PDE3A: variants seen among roughly 807,000 people sequenced by gnomAD.
PDE3A encodes the protein phosphodiesterase 3A, also known as cGMP-inhibited 3',5'-cyclic phosphodiesterase 3A.
Under a neutral mutation model 98.3 loss-of-function variants are expected in PDE3A, and 43 were observed. The ratio of observed to expected loss-of-function variants is 0.44; its 90% CI spans 0.34 to 0.56. PDE3A has a LOEUF of 0.56. Among genes scored for constraint, PDE3A ranks in the 20% least tolerant of loss-of-function variants. The pLI, the probability that PDE3A is intolerant of heterozygous loss-of-function variation, is 0.01. For missense variants in PDE3A, 1,427 were observed against 1,440.7 expected, an observed-to-expected ratio of 0.99 and a Z score of 0.15; for synonymous variants, 663 against 567.9, an observed-to-expected ratio of 1.17 and a Z score of -2.38.
At chr12:20,632,569 T>C (rs934743988) in intron 6 of PDE3A, among the ~76,000 whole-genome samples, 33 of 152,344 alleles carry the variant, frequency 2.2e-4, no homozygotes, top group Middle Eastern at 6.8e-3. Flanking sequence ...AGCCAGTTTA[T>C]GGCCTGTGCC....
intron 1 of PDE3A, among the ~76,000 whole-genome samples, chr12:20,542,289 A>C (rs1264841280): frequency 6.6e-6 from 1 of 152,086 alleles, no homozygotes; most frequent in Admixed American, 6.6e-5. Context: ...AGACTTAAAA[A>C]TGAATTCAAT....
At chr12:20,482,982 T>C (rs1945657611) in intron 1 of PDE3A, among the ~76,000 whole-genome samples, 1 of 152,208 alleles carries the variant, frequency 6.6e-6, no homozygotes, top group African/African-American at 2.4e-5. Context: ...CTTGATTTTT[T>C]TAAAACATAA....
chr12:20,491,074 G>A (rs1478219248), intron 1 of PDE3A, among the ~76,000 whole-genome samples: 5 of 152,134 alleles, frequency 3.3e-5, no homozygotes, highest in African/African-American at 9.6e-5. Context: ...GAGTGAGCCT[G>A]ACTCAAAAAA....
intron 5 of PDE3A, among the ~76,000 whole-genome samples, chr12:20,626,853 C>A (rs1944274362): frequency 6.6e-6 from 1 of 152,124 alleles, no homozygotes; most frequent in Non-Finnish European, 1.5e-5. Context: ...AGAAGCAGAG[C>A]TTCTCTCTTA....
chr12:20,631,874 A>G (rs1276687589), intron 6 of PDE3A, among the ~76,000 whole-genome samples: 1 of 152,128 alleles, frequency 6.6e-6, no homozygotes, highest in East Asian at 1.9e-4. Context: ...ACCAGGTTTT[A>G]TTATTGCCTT....
At chr12:20,396,417 G>A (rs1352453484) in intron 1 of PDE3A, among the ~76,000 whole-genome samples, 2 of 152,022 alleles carry the variant, frequency 1.3e-5, no homozygotes, top group Non-Finnish European at 2.9e-5. Flanking sequence ...GGTGAGTAGA[G>A]GAAAAGTGCA....
At chr12:20,470,262 T>A (rs1184636472) in intron 1 of PDE3A, among the ~76,000 whole-genome samples, 1 of 151,582 alleles carries the variant, frequency 6.6e-6, no homozygotes, top group Non-Finnish European at 1.5e-5. Context: ...AAAACAGGAG[T>A]TTTTTAAGTG....
chr12:20,662,522 T>A (rs1400277638), intron 15 of PDE3A, among the ~76,000 whole-genome samples: 3 of 152,210 alleles, frequency 2.0e-5, no homozygotes, highest in African/African-American at 7.2e-5. Flanking sequence ...GCATGGGGCC[T>A]GTAGCGCCTT....
At chr12:20,568,064 T>A (rs914439940) in intron 2 of PDE3A, among the ~76,000 whole-genome samples, 1 of 151,972 alleles carries the variant, frequency 6.6e-6, no homozygotes, top group Non-Finnish European at 1.5e-5. Flanking sequence ...ACTGGTAATA[T>A]CTTCTTTAAA....
rs889026086 is a variant in PDE3A at position 20,552,268 on chromosome 12, T to C, written c.961-4392T>C. On this transcript the variant is annotated intron_variant, in intron 1 of 15. Coordinates refer to ENST00000359062, the MANE Select transcript of PDE3A (RefSeq NM_000921.5). This position sits in a 1 kb window ranked among gnomAD's most constrained non-coding sequence, Gnocchi z 5.1. ...TGTCAAGGGTGGCAAGAATAGCAAGTACGCCCCCGCTGAGGGCAACCGCTA... is the reference window on the plus strand; with the variant it reads ...TGTCAAGGGTGGCAAGAATAGCAAGCACGCCCCCGCTGAGGGCAACCGCTA... 4.2e-5 allele frequency: 67 copies of C among 1,613,532 alleles called. No individual in the cohort carries two copies. The highest frequency in any genetic ancestry group is 1.6e-4 in the Middle Eastern group (1 of 6,084).
rs1426595187 is a variant in PDE3A, at chr12:20,622,319, A to AAT, written c.1540+910_1540+911dup. ...GATCCTTCACTTCTTACTCCATGCC[A>AAT]ATAGTCAGTAAATCATGCTATGAAG... On this transcript the variant is annotated intron_variant, in intron 5 of 15. Transcript: ENST00000359062. Among the ~76,000 whole-genome samples, 32 of 152,182 alleles carry AAT rather than the reference A, an allele frequency of 2.1e-4. 1 individual carries two copies. Among genetic ancestry groups the AAT allele is most frequent in the South Asian group, 8.3e-4 (4 of 4,810 alleles).
chr12:20,592,281 A>G (rs1177366252), intron 2 of PDE3A, among the ~76,000 whole-genome samples: 1 of 152,192 alleles, frequency 6.6e-6, no homozygotes, highest in Non-Finnish European at 1.5e-5. Flanking sequence ...GGAAAGGTCA[A>G]AAGGTTGTAT....
chr12:20,558,499 T>G (rs973494385), intron 2 of PDE3A, among the ~76,000 whole-genome samples: 3 of 151,876 alleles, frequency 2.0e-5, no homozygotes, highest in Non-Finnish European at 4.4e-5. Flanking sequence ...CTTTGTCCCA[T>G]TTTGATTCCT....
intron 15 of PDE3A, among the ~76,000 whole-genome samples, chr12:20,665,369 TA>T (rs1945283084): frequency 6.6e-6 from 1 of 152,236 alleles, no homozygotes; most frequent in South Asian, 2.1e-4. Flanking sequence ...TTGGGTTTAT[TA>T]TTTTTCCTCA....
Position 20,653,958 on chromosome 12 carries a change from G to A in PDE3A, c.2937G>A (p.Glu979=), listed in dbSNP as rs757079961. 3.1e-6 allele frequency: 5 copies of A among 1,613,910 alleles called. No homozygotes were observed. The highest frequency in any genetic ancestry group is 3.3e-5 in the Admixed American group (2 of 59,992). ...TATTTTATTTCTAGGGTGATGAAGA[G>A]GCCAGCCTTGGATTACCCATAAGCC... is the stretch of plus-strand genomic sequence containing the variant. The part of the protein sequence containing the change: ...VNEFYEQGDE[E]ASLGLPISPF... The change falls in exon 15 of 16, where the codon GAG becomes GAA. Residue 979 remains glutamate, a synonymous_variant. Transcript: ENST00000359062.
chr12:20,422,267 C>T (rs11045233), intron 1 of PDE3A, among the ~76,000 whole-genome samples: 23,833 of 151,728 alleles, frequency 0.16, 2,156 homozygotes, highest in East Asian at 0.33. Context: ...TGGCGTGAAC[C>T]CGGGAAGTGG....
In PDE3A at chr12:20,369,278, C is replaced by T. The variant is rs1325395933; in HGVS notation, c.-7C>T. ...CTGGGAATTCAGTGAAGAGGGCACC[C>T]TATACCATGGCAGTGCCCGGCGACG... On this transcript the variant is annotated 5_prime_UTR_variant, in exon 1 of 16. Transcript: ENST00000359062. 2.0e-6 allele frequency: 3 copies of T among 1,507,358 alleles called. No homozygotes were observed. Among genetic ancestry groups the T allele is most frequent in the Non-Finnish European group, 2.7e-6 (3 of 1,123,454 alleles). The allele number at this position is 1,507,358 out of a possible 1,614,324, so 93.4% of individuals were successfully genotyped here.
intron 2 of PDE3A, chr12:20,572,235 G>A (rs1432208996): frequency 1.3e-5 from 8 of 626,366 alleles, no homozygotes; most frequent in Non-Finnish European, 1.6e-5. Flanking sequence ...AAGGACAGTT[G>A]AAAGCCTTTT....
intron 15 of PDE3A, among the ~76,000 whole-genome samples, chr12:20,661,871 C>T (rs1221754505): frequency 4.6e-5 from 7 of 151,638 alleles, no homozygotes; most frequent in Admixed American, 4.6e-4. Context: ...CACAGAGTTA[C>T]TACTGGGGCA....
Sources: allele counts gnomAD v4.1 joint callset (sites outside exome capture counted in the v4.1 genomes callset), GRCh38; gene constraint gnomAD v4.1.1; non-coding constraint Gnocchi (gnomAD v3.1); transcripts MANE v1.5; gene names NCBI Gene and HGNC (gene_info 2026-07-23, HGNC 2026-07-21).